PLPPR5: variants seen among roughly 807,000 people sequenced by gnomAD.
The protein encoded by PLPPR5 is phospholipid phosphatase-related protein type 5.
Under a neutral mutation model 33.9 loss-of-function variants are expected in PLPPR5, and 16 were observed. The ratio of observed to expected loss-of-function variants is 0.47; its 90% CI spans 0.32 to 0.72. The LOEUF is 0.72. Among genes scored for constraint, PLPPR5 ranks in the 30% least tolerant of loss-of-function variants. The pLI, the probability that PLPPR5 is intolerant of heterozygous loss-of-function variation, is 0.03. For missense variants in PLPPR5, 301 were observed against 406.7 expected (o/e 0.74, Z 2.23); for synonymous variants, 163 against 150.3 (o/e 1.08, Z -0.62).
intron 4 of PLPPR5, 25 bp from the exon 5 acceptor site, chr1:98,914,945 G>A: frequency 6.2e-7 from 1 of 1,600,764 alleles, no homozygotes; most frequent in South Asian, 1.1e-5. Flanking sequence ...GACAATTACA[G>A]TTAAAGCAAA....
chr1:98,929,255 A>G (rs773056202), intron 3 of PLPPR5, among the ~76,000 whole-genome samples: 1 of 152,238 alleles, frequency 6.6e-6, no homozygotes, highest in Non-Finnish European at 1.5e-5. Flanking sequence ...TTGCCGTCAC[A>G]TGGCACCATG....
intron 1 of PLPPR5, among the ~76,000 whole-genome samples, chr1:98,964,292 G>T (rs1245069504): frequency 6.6e-6 from 1 of 152,140 alleles, no homozygotes; most frequent in African/African-American, 2.4e-5. Flanking sequence ...AACTGAGATC[G>T]ACTGAGAAGC....
At chr1:98,902,880 C>T (rs1298612173) in intron 5 of PLPPR5, among the ~76,000 whole-genome samples, 1 of 151,922 alleles carries the variant, frequency 6.6e-6, no homozygotes, top group African/African-American at 2.4e-5. Context: ...GTCTATATTC[C>T]AAAGTAATTT....
At chr1:98,906,781 GT>G (rs1431751667) in intron 5 of PLPPR5, among the ~76,000 whole-genome samples, 1 of 152,078 alleles carries the variant, frequency 6.6e-6, no homozygotes, top group African/African-American at 2.4e-5. Flanking sequence ...TTTTGTATCT[GT>G]TTAACCCTTC....
intron 1 of PLPPR5, among the ~76,000 whole-genome samples, chr1:98,960,565 T>C (rs998500451): frequency 7.2e-5 from 11 of 152,208 alleles, no homozygotes; most frequent in Non-Finnish European, 1.5e-4. Flanking sequence ...AATGTATTTA[T>C]GTAAATGCCT....
At chr1:98,907,097 G>A (rs1298866604) in intron 5 of PLPPR5, among the ~76,000 whole-genome samples, 1 of 151,452 alleles carries the variant, frequency 6.6e-6, no homozygotes, top group Non-Finnish European at 1.5e-5. Context: ...TTTCTGATGT[G>A]TCAGCTATCT....
intron 1 of PLPPR5, among the ~76,000 whole-genome samples, chr1:98,966,641 T>C (rs1230501652): frequency 6.6e-6 from 1 of 152,108 alleles, no homozygotes; most frequent in Non-Finnish European, 1.5e-5. Flanking sequence ...AAGGCCGCTT[T>C]GATGGAAGGA....
chr1:98,950,280 A>G (rs1557680550), intron 3 of PLPPR5, among the ~76,000 whole-genome samples: 1 of 152,222 alleles, frequency 6.6e-6, no homozygotes, highest in Non-Finnish European at 1.5e-5. Flanking sequence ...ATTATTAAAT[A>G]AATAATAATG....
At chr1:98,987,743 C>G (rs1652307669) in intron 1 of PLPPR5, among the ~76,000 whole-genome samples, 1 of 151,666 alleles carries the variant, frequency 6.6e-6, no homozygotes, top group South Asian at 2.1e-4. Context: ...AAACTGTTAA[C>G]CAAAGGCAAG....
chr1:98,903,936 A>G (rs1648793855), intron 5 of PLPPR5, among the ~76,000 whole-genome samples: 1 of 152,178 alleles, frequency 6.6e-6, no homozygotes, highest in Admixed American at 6.5e-5. Context: ...AATCTTATAA[A>G]ATCTACAAAA....
intron 3 of PLPPR5, among the ~76,000 whole-genome samples, chr1:98,951,011 A>G (rs1557680791): frequency 6.6e-6 from 1 of 152,118 alleles, no homozygotes. Flanking sequence ...ATCTGAATCT[A>G]ATGTCTATTA....
chr1:98,946,568 C>A (rs1650560130), intron 3 of PLPPR5, among the ~76,000 whole-genome samples: 1 of 152,158 alleles, frequency 6.6e-6, no homozygotes, highest in Admixed American at 6.5e-5. Context: ...TGGGACACTT[C>A]TTCTCCCCCT....
chr1:98,933,382 C>T (rs1160412167), intron 3 of PLPPR5, among the ~76,000 whole-genome samples: 1 of 148,762 alleles, frequency 6.7e-6, no homozygotes, highest in African/African-American at 2.5e-5. Flanking sequence ...ACTCAGGAGG[C>T]TGAGGCAGGA....
chr1:98,952,599 G>A lies in PLPPR5; in HGVS notation c.621+471C>T, dbSNP rs540066065. 1.1e-4 allele frequency among the ~76,000 whole-genome samples: 16 copies of A among 152,256 alleles called. No homozygotes were observed. The East Asian group carries it at 1.4e-3, about 13-fold the overall frequency. ...ACTTTGGTTAGTTCTATGAGAAAAC[G>A]TTAAACGCTAATTGAGATATGATGA... On this transcript the variant is annotated intron_variant, in intron 3 of 5. Transcript: ENST00000263177.
chr1:98,922,429 C>A (rs309049), intron 3 of PLPPR5, among the ~76,000 whole-genome samples: 112,375 of 151,584 alleles, frequency 0.74, 41,850 homozygotes, highest in East Asian at 0.8. Flanking sequence ...ATATTATTAG[C>A]AGGGGGAAGC....
intron 1 of PLPPR5, among the ~76,000 whole-genome samples, chr1:98,982,127 T>C (rs1164189605): frequency 6.6e-6 from 1 of 152,110 alleles, no homozygotes; most frequent in Non-Finnish European, 1.5e-5. Flanking sequence ...AATAAAATCA[T>C]GACTCATCTC....
At chr1:98,899,508 T>C (rs1372263621) in intron 5 of PLPPR5, among the ~76,000 whole-genome samples, 2 of 152,152 alleles carry the variant, frequency 1.3e-5, no homozygotes, top group Admixed American at 6.6e-5. Context: ...GAGTATTGCT[T>C]AAAAAATCAG....
chr1:98,987,957 G>A (rs1214978910), intron 1 of PLPPR5, among the ~76,000 whole-genome samples: 6 of 151,800 alleles, frequency 4.0e-5, no homozygotes, highest in Admixed American at 2.0e-4. Context: ...CTCCATAACC[G>A]ATCTCTCCAG....
Position 98,893,119 on chromosome 1 carries a change from A to G in PLPPR5, c.934-15T>C. ...GTGATGTGGTTCTGCAAAAAGAAAA[A>G]GGAATGACAAAGTGAGAGGCTTGGG... is the stretch of plus-strand genomic sequence containing the variant. On this transcript the variant is annotated splice_polypyrimidine_tract_variant and intron_variant, in intron 5 of 5. Transcript: ENST00000263177. The G allele has an allele frequency of 6.2e-7, 1 of 1,609,694 alleles. No individual in the cohort carries two copies. Among genetic ancestry groups the G allele is most frequent in the Non-Finnish European group, 8.5e-7 (1 of 1,177,442 alleles).
Sources: gnomAD v4.1 joint callset for allele counts (sites outside exome capture counted in the v4.1 genomes callset) on GRCh38, gnomAD v4.1.1 for gene constraint, MANE v1.5 for transcripts, NCBI Gene and HGNC (gene_info 2026-07-23, HGNC 2026-07-21) for gene names.